The following TAOK3 variants were observed in gnomAD, a reference collection of about 807,000 sequenced individuals.
The protein encoded by TAOK3 is serine/threonine-protein kinase TAO3.
In TAOK3, 40 loss-of-function variants were observed where a neutral mutation model predicts 120.4. The observed-to-expected ratio is 0.33, with a 90% confidence interval of 0.26 to 0.43. The LOEUF (loss-of-function observed/expected upper bound fraction) is 0.43. Ranked by LOEUF, TAOK3 falls within the 20% of genes least tolerant of loss-of-function variation. The probability of loss-of-function intolerance (pLI) is 1.00; values close to 1 mark genes in which losing one functional copy is unlikely to be tolerated. For synonymous variants in TAOK3, 355 were observed against 387.5 expected, an observed-to-expected ratio of 0.92 and a Z score of 0.99; for missense variants, 821 against 1,112.1, an observed-to-expected ratio of 0.74 and a Z score of 3.72.
chr12:118,366,949 G>GT (rs2045756421), intron 1 of TAOK3, among the ~76,000 whole-genome samples: 1 of 152,164 alleles, frequency 6.6e-6, no homozygotes, highest in South Asian at 2.1e-4. Context: ...AATTAGCTGG[G>GT]TGACGTGGTG....
At chr12:118,205,755 C>T (rs2038268980) in intron 11 of TAOK3, among the ~76,000 whole-genome samples, 2 of 152,164 alleles carry the variant, frequency 1.3e-5, no homozygotes, top group East Asian at 1.9e-4. Flanking sequence ...GGATTACAGG[C>T]GTGCACCATT....
intron 15 of TAOK3, among the ~76,000 whole-genome samples, chr12:118,178,474 T>G (rs878953402): frequency 1.3e-5 from 2 of 152,202 alleles, no homozygotes; most frequent in South Asian, 4.1e-4. Context: ...TCTTTTTTTT[T>G]TCTGAGACAG....
chr12:118,308,627 G>A (rs2043139612), intron 1 of TAOK3, among the ~76,000 whole-genome samples: 1 of 152,080 alleles, frequency 6.6e-6, no homozygotes, highest in Non-Finnish European at 1.5e-5. Flanking sequence ...AATGTAGACG[G>A]TGTAGAAAAG....
intron 17 of TAOK3, among the ~76,000 whole-genome samples, chr12:118,170,511 CCA>C (rs1272413685): frequency 2.4e-4 from 36 of 152,180 alleles, no homozygotes; most frequent in Admixed American, 2.0e-3. Flanking sequence ...CCTGTAATCT[CCA>C]CACTTTGGGA....
At chr12:118,201,186 G>T in intron 12 of TAOK3, 110 bp downstream of exon 12, 2 of 1,010,940 alleles carry the variant, frequency 2.0e-6, no homozygotes, top group South Asian at 3.5e-5. Context: ...TTCTTAAGGC[G>T]GACAGCATCA....
chr12:118,251,378 C>T (rs1367844811), intron 3 of TAOK3, among the ~76,000 whole-genome samples: 1 of 152,148 alleles, frequency 6.6e-6, no homozygotes, highest in Non-Finnish European at 1.5e-5. Context: ...TTCGTAAGTT[C>T]TATAGTACAG....
intron 6 of TAOK3, 115 bp downstream of exon 6, chr12:118,239,112 C>A (rs1025887314): frequency 2.8e-6 from 2 of 709,702 alleles, no homozygotes; most frequent in East Asian, 5.4e-5. Flanking sequence ...TCCACACCAC[C>A]CTAAAGCTCA....
At chr12:118,278,555 T>C (rs1223799427) in intron 1 of TAOK3, among the ~76,000 whole-genome samples, 1 of 152,156 alleles carries the variant, frequency 6.6e-6, no homozygotes, top group African/African-American at 2.4e-5. Context: ...TGATGGGCAT[T>C]TAGGTTGATT....
At chr12:118,252,160 C>T (rs957158608) in intron 3 of TAOK3, among the ~76,000 whole-genome samples, 1 of 152,114 alleles carries the variant, frequency 6.6e-6, no homozygotes, top group African/African-American at 2.4e-5. Context: ...TAGAGACTGA[C>T]TCTTGCCAGG....
intron 3 of TAOK3, 112 bp from the exon 4 acceptor site, chr12:118,245,077 C>A (rs1222473052): frequency 3.2e-6 from 2 of 632,604 alleles, no homozygotes; most frequent in Non-Finnish European, 5.0e-6. Flanking sequence ...TTGACAGTCT[C>A]ATTCTGTCGC....
chr12:118,221,036 G>A (rs1865081717), intron 9 of TAOK3, among the ~76,000 whole-genome samples: 1 of 152,198 alleles, frequency 6.6e-6, no homozygotes. Flanking sequence ...GCCTGCTTTT[G>A]TAAGTTTATT....
chr12:118,352,230 G>A (rs1566162244), intron 1 of TAOK3, among the ~76,000 whole-genome samples: 1 of 151,850 alleles, frequency 6.6e-6, no homozygotes, highest in Non-Finnish European at 1.5e-5. Flanking sequence ...CTCTCCAACG[G>A]CAGCTGGCTA....
At chr12:118,255,404 C>T in intron 3 of TAOK3, 44 bp downstream of exon 3, 1 of 1,604,554 alleles carries the variant, frequency 6.2e-7, no homozygotes, top group African/African-American at 1.3e-5. Context: ...AGAGTCCAAC[C>T]TTTCTTAATC....
intron 1 of TAOK3, among the ~76,000 whole-genome samples, chr12:118,368,705 C>T (rs2045812889): frequency 6.6e-6 from 1 of 150,450 alleles, no homozygotes; most frequent in South Asian, 2.1e-4. Context: ...ACCCGGGAGG[C>T]TGAGGCAGGA....
intron 16 of TAOK3, among the ~76,000 whole-genome samples, 177 bp downstream of exon 16, chr12:118,177,024 C>T (rs1045449998): frequency 1.3e-5 from 2 of 152,106 alleles, no homozygotes; most frequent in Non-Finnish European, 2.9e-5. Flanking sequence ...GCCTTGGCCT[C>T]CCAAAGTGCT....
chr12:118,324,493 A>G (rs1457369631), intron 1 of TAOK3, among the ~76,000 whole-genome samples: 2 of 151,938 alleles, frequency 1.3e-5, no homozygotes, highest in Admixed American at 1.3e-4. Context: ...CCATGTAACT[A>G]TACTTTTGTA....
chr12:118,268,924 C>T (rs1384240864), intron 1 of TAOK3, among the ~76,000 whole-genome samples: 1 of 151,980 alleles, frequency 6.6e-6, no homozygotes, highest in Non-Finnish European at 1.5e-5. Flanking sequence ...AGGAGAATCG[C>T]TTGAACCTGG....
intron 1 of TAOK3, among the ~76,000 whole-genome samples, chr12:118,272,610 A>C (rs967019357): frequency 1.3e-5 from 2 of 151,878 alleles, no homozygotes; most frequent in Non-Finnish European, 2.9e-5. Context: ...TTTTCTTTTT[A>C]TACTCAATCT....
intron 17 of TAOK3, among the ~76,000 whole-genome samples, chr12:118,170,173 G>GT (rs34175555): frequency 0.28 from 42,176 of 149,896 alleles, 6,102 homozygotes; most frequent in Admixed American, 0.36. Context: ...TTCTCAAGCA[G>GT]TTTTTTTTTT....
Sources: allele counts gnomAD v4.1 joint callset (sites outside exome capture counted in the v4.1 genomes callset), GRCh38; gene constraint gnomAD v4.1.1; transcripts MANE v1.5; gene names NCBI Gene and HGNC (gene_info 2026-07-23, HGNC 2026-07-21).